CPEB1: variants seen among roughly 807,000 people sequenced by gnomAD.
CPEB1 encodes the protein cytoplasmic polyadenylation element binding protein 1.
A neutral mutation model predicts 65.8 loss-of-function variants in CPEB1; 7 were observed. The ratio of observed to expected loss-of-function variants is 0.11; its 90% CI spans 0.06 to 0.20. The LOEUF (loss-of-function observed/expected upper bound fraction) is 0.20, where lower values mean the gene tolerates loss of function less well. CPEB1 is among the 10% of genes least tolerant of loss of function. CPEB1 has a pLI of 1.00. For missense variants in CPEB1, 551 were observed against 712.2 expected, an observed-to-expected ratio of 0.77 and a Z score of 2.58; for synonymous variants, 262 against 260.0, an observed-to-expected ratio of 1.01 and a Z score of -0.08.
At chr15:82,648,010 G>T, upstream of CPEB1, 2 of 601,180 alleles carry the variant, frequency 3.3e-6, no homozygotes, top group East Asian at 3.7e-5. Flanking sequence ...CCTACGAGCC[G>T]CTCCTCGGAG....
At chr15:82,606,817 CAAAAA>C (rs56078202) in intron 3 of CPEB1, among the ~76,000 whole-genome samples, 1 of 82,948 alleles carries the variant, frequency 1.2e-5, no homozygotes, top group Non-Finnish European at 2.4e-5. Flanking sequence ...GACTCCGTCT[CAAAAA>C]AAAAAAAAAA....
chr15:82,551,936 A>G (rs1021336803), intron 9 of CPEB1, among the ~76,000 whole-genome samples: 49 of 152,242 alleles, frequency 3.2e-4, no homozygotes, highest in Non-Finnish European at 1.8e-4. Flanking sequence ...TAAGGCTGAT[A>G]TTAGAAAAAG....
At chr15:82,601,149 G>A (rs56356531) in intron 3 of CPEB1, among the ~76,000 whole-genome samples, 7 of 149,970 alleles carry the variant, frequency 4.7e-5, no homozygotes, top group African/African-American at 9.8e-5. Flanking sequence ...CAGGTGATCC[G>A]CCCCCACCTC....
In CPEB1 at chr15:82,556,021, C is replaced by G. The variant is rs773719815; in HGVS notation, c.789G>C (p.Glu263Asp). Reference protein sequence around the residue: ...KMGVGSRMDQEQAALAAVTPS... With the variant: ...KMGVGSRMDQDQAALAAVTPS... ...GAGTGACTGCAGCAAGAGCAGCTTG[C>G]TCTTGGTCCATCCGAGACCCTACCC... Residue 263 changes from glutamate to aspartate, a missense_variant, in exon 6 of 13, where the codon GAG becomes GAC. Physicochemically the swap from Glu to Asp is conservative, Grantham distance 45. Transcript: ENST00000684509. The G allele has an allele frequency of 1.2e-6, 2 of 1,613,684 alleles. No individual in the cohort carries two copies. Among genetic ancestry groups the G allele is most frequent in the South Asian group, 1.1e-5 (1 of 90,952 alleles).
Position 82,571,672 on chromosome 15 carries a change from G to A in CPEB1, c.272-140C>T. On this transcript the variant is annotated intron_variant, in intron 3 of 12. Coordinates refer to ENST00000684509, the MANE Select transcript of CPEB1 (RefSeq NM_001365242.1). ...AAGCTGGCTGGATGCTGCAGCCGCT[G>A]CCTCTGCACTTTTGGGGACGCTGGG... is the stretch of plus-strand genomic sequence containing the variant. 2.1e-6 allele frequency: 3 copies of A among 1,444,996 alleles called. No homozygotes were observed. In the South Asian group the frequency reaches 4.5e-5, roughly 22 times the overall value. The allele number at this position is 1,444,996 out of a possible 1,614,324, so 89.5% of individuals were successfully genotyped here.
At chr15:82,569,751 GA>G (rs2039726577) in intron 4 of CPEB1, among the ~76,000 whole-genome samples, 1 of 152,226 alleles carries the variant, frequency 6.6e-6, no homozygotes. Flanking sequence ...GAGAGCCAAA[GA>G]AGGGCTATAC....
At chr15:82,635,845 G>C (rs564921334) in intron 1 of CPEB1, among the ~76,000 whole-genome samples, 2 of 152,232 alleles carry the variant, frequency 1.3e-5, no homozygotes, top group South Asian at 4.2e-4. Flanking sequence ...TCAATAAGCA[G>C]GCATGAGAAA....
chr15:82,571,463 C>T lies in CPEB1; in HGVS notation c.341G>A (p.Arg114His). ...CAAGTCATTTGCATCTGGGAGGCCA[C>T]GGGAAGATTCTTGCGCAGAGGTTGG... is the stretch of plus-strand genomic sequence containing the variant. ...LFPTSAQESS[R>H]GLPDANDLCL... The change falls in exon 4 of 13, where the codon CGT becomes CAT. Residue 114 changes from arginine (R) to histidine (H), a missense_variant. This residue lies in a region of CPEB1 where 223 missense variants were observed against 228.6 expected (regional missense o/e 0.98). Coordinates refer to ENST00000684509, the MANE Select transcript of CPEB1 (RefSeq NM_001365242.1). 1 of 1,614,066 alleles carries T rather than the reference C, an allele frequency of 6.2e-7. No individual in the cohort carries two copies. The highest frequency in any genetic ancestry group is 8.5e-7 in the Non-Finnish European group (1 of 1,180,004).
chr15:82,627,357 G>T lies in CPEB1; in HGVS notation c.107C>A (p.Ala36Glu). The change falls in exon 3 of 13, where the codon GCA becomes GAA. Residue 36 changes from alanine to glutamate, a missense_variant. Ala to Glu is a moderately radical substitution (Grantham distance 107, BLOSUM62 -1). Transcript: ENST00000684509. ...CLLLIPLEEE[A>E]GRIKDCWDNQ... ...GTCCCAGCAATCTTTTATCCTTCCT[G>T]CTTCTTCTTCCTAGACACAGAAAAA... is the stretch of plus-strand genomic sequence containing the variant. The T allele has an allele frequency of 6.2e-7, 1 of 1,610,356 alleles. No individual in the cohort carries two copies. The highest frequency in any genetic ancestry group is 8.5e-7 in the Non-Finnish European group (1 of 1,178,542).
intron 3 of CPEB1, among the ~76,000 whole-genome samples, chr15:82,601,955 T>C (rs1350774735): frequency 6.6e-6 from 1 of 152,164 alleles, no homozygotes; most frequent in Non-Finnish European, 1.5e-5. Context: ...TAAGCATATA[T>C]TCCCCCTGCA....
chr15:82,595,430 T>G (rs1438026701), intron 3 of CPEB1, among the ~76,000 whole-genome samples: 1 of 152,248 alleles, frequency 6.6e-6, no homozygotes, highest in Admixed American at 6.5e-5. Context: ...AGAGTTTCAC[T>G]TTTTCTACAT....
intron 3 of CPEB1, among the ~76,000 whole-genome samples, chr15:82,589,234 G>C (rs552659502): frequency 6.6e-6 from 1 of 152,302 alleles, no homozygotes; most frequent in East Asian, 1.9e-4. Flanking sequence ...CCACGCCAAG[G>C]CCCTGCTGTT....
intron 3 of CPEB1, among the ~76,000 whole-genome samples, chr15:82,599,028 A>G (rs1424181115): frequency 6.6e-6 from 1 of 152,178 alleles, no homozygotes; most frequent in African/African-American, 2.4e-5. Flanking sequence ...GTTTTAAAAT[A>G]AATAATAATT....
At chr15:82,592,676 C>T (rs1227552351) in intron 3 of CPEB1, among the ~76,000 whole-genome samples, 1 of 151,756 alleles carries the variant, frequency 6.6e-6, no homozygotes, top group Non-Finnish European at 1.5e-5. Context: ...TTTTAAAACA[C>T]TTCATTGCTA....
At chr15:82,608,652 T>G (rs2043853487) in intron 3 of CPEB1, among the ~76,000 whole-genome samples, 1 of 152,250 alleles carries the variant, frequency 6.6e-6, no homozygotes, top group African/African-American at 2.4e-5. Flanking sequence ...TTTCCAGAGT[T>G]CTGACAAAGT....
intron 6 of CPEB1, among the ~76,000 whole-genome samples, chr15:82,554,812 T>G (rs2036904209): frequency 6.6e-6 from 1 of 152,268 alleles, no homozygotes; most frequent in Non-Finnish European, 1.5e-5. Context: ...GCCCAACGTG[T>G]TGCTACAGCA....
intron 10 of CPEB1, chr15:82,548,775 A>AGT: frequency 2.2e-6 from 1 of 445,974 alleles, no homozygotes; most frequent in Non-Finnish European, 4.5e-6. Context: ...AGTATTGGTG[A>AGT]GTACATGGTG....
chr15:82,630,005 C>A, intron 1 of CPEB1: 2 of 985,446 alleles, frequency 2.0e-6, no homozygotes, highest in Non-Finnish European at 1.2e-6. Context: ...CCATTGAGAA[C>A]TGTTAAATCC....
intron 3 of CPEB1, among the ~76,000 whole-genome samples, chr15:82,579,692 C>A (rs1440883851): frequency 2.7e-4 from 39 of 143,196 alleles, no homozygotes; most frequent in Middle Eastern, 4.4e-3. Context: ...ACGGGTGGAT[C>A]ATGAGGTCAG....
Sources: allele counts gnomAD v4.1 joint callset (sites outside exome capture counted in the v4.1 genomes callset), GRCh38; gene constraint gnomAD v4.1.1; regional missense constraint gnomAD v4.1.1; transcripts MANE v1.5; gene names NCBI Gene and HGNC (gene_info 2026-07-23, HGNC 2026-07-21).